AUH: variants seen among roughly 807,000 people sequenced by gnomAD.
AUH encodes the protein AU RNA binding methylglutaconyl-CoA hydratase.
Under a neutral mutation model 42.3 loss-of-function variants are expected in AUH, and 29 were observed. The observed-to-expected ratio is 0.69, with a 90% CI of 0.51 to 0.93. The LOEUF (loss-of-function observed/expected upper bound fraction) is 0.93. Ranked by LOEUF, AUH falls within the 40% of genes least tolerant of loss-of-function variation. The pLI is 0.00. For synonymous variants in AUH, 174 were observed against 166.4 expected (o/e 1.05, Z -0.35); for missense variants, 452 against 438.1 (o/e 1.03, Z -0.28).
chr9:91,230,662 GT>G, intron 6 of AUH, among the ~76,000 whole-genome samples: 1 of 152,280 alleles, frequency 6.6e-6, no homozygotes. Flanking sequence ...TTTCTGTTCA[GT>G]TTTTTCCCCA....
At chr9:91,348,701 C>T (rs1474550644) in intron 3 of AUH, among the ~76,000 whole-genome samples, 1 of 152,082 alleles carries the variant, frequency 6.6e-6, no homozygotes, top group African/African-American at 2.4e-5. Context: ...ACAGAAGATG[C>T]TAAACTAGGA....
chr9:91,325,497 C>G, intron 3 of AUH, 93 bp from the exon 4 acceptor site: 1 of 987,608 alleles, frequency 1.0e-6, no homozygotes, highest in Non-Finnish European at 1.6e-6. Context: ...TATACAACTT[C>G]AAGATCAGCC....
chr9:91,321,125 G>GATAT (rs1480311771), intron 4 of AUH, among the ~76,000 whole-genome samples: 1 of 152,100 alleles, frequency 6.6e-6, no homozygotes, highest in Non-Finnish European at 1.5e-5. Flanking sequence ...TATCAATACT[G>GATAT]ATATATCTTT....
At chr9:91,269,883 T>C (rs1217365992) in intron 6 of AUH, among the ~76,000 whole-genome samples, 1 of 152,194 alleles carries the variant, frequency 6.6e-6, no homozygotes, top group African/African-American at 2.4e-5. Flanking sequence ...TATGACATGA[T>C]ACCCAGATCT....
At chr9:91,330,985 T>C (rs192978597) in intron 3 of AUH, among the ~76,000 whole-genome samples, 2 of 152,340 alleles carry the variant, frequency 1.3e-5, no homozygotes, top group Non-Finnish European at 2.9e-5. Context: ...TATGTGCTTT[T>C]AATTTGTGCA....
At chr9:91,266,391 A>G (rs1284213773) in intron 6 of AUH, among the ~76,000 whole-genome samples, 1 of 151,628 alleles carries the variant, frequency 6.6e-6, no homozygotes, top group Non-Finnish European at 1.5e-5. Flanking sequence ...ATAAATAAAT[A>G]AAAATAAAAA....
intron 6 of AUH, among the ~76,000 whole-genome samples, chr9:91,287,583 C>A (rs924746513): frequency 1.3e-5 from 2 of 152,052 alleles, no homozygotes; most frequent in African/African-American, 2.4e-5. Flanking sequence ...TTTATACTAT[C>A]TTTGTAACTA....
intron 6 of AUH, among the ~76,000 whole-genome samples, chr9:91,276,175 T>A (rs1035437502): frequency 2.0e-5 from 3 of 152,110 alleles, no homozygotes; most frequent in African/African-American, 7.2e-5. Context: ...ATGCCTATAA[T>A]CTCAGCATTT....
At chr9:91,240,247 G>C (rs1449504922) in intron 6 of AUH, among the ~76,000 whole-genome samples, 1 of 152,170 alleles carries the variant, frequency 6.6e-6, no homozygotes, top group Non-Finnish European at 1.5e-5. Flanking sequence ...GTGTGCATCT[G>C]TCCATTCTTG....
At chr9:91,271,126 T>C (rs1825089282) in intron 6 of AUH, among the ~76,000 whole-genome samples, 1 of 152,220 alleles carries the variant, frequency 6.6e-6, no homozygotes, top group South Asian at 2.1e-4. Context: ...TTTGGAAATA[T>C]CCCTCATATA....
At position 91,214,293 on chromosome 9, in the gene AUH, G is replaced by A. The variant is rs1250066581; in HGVS notation, c.*55C>T. ...GCTGAGGCATATAGTGGATCCGAAA[G>A]ACACTTCCAGGAAGTACATTTATTA... On this transcript the variant is annotated 3_prime_UTR_variant, in exon 10 of 10. Coordinates refer to ENST00000375731, the MANE Select transcript of AUH (RefSeq NM_001698.3). The A allele has an allele frequency of 6.8e-7, 1 of 1,463,802 alleles. No individual in the cohort carries two copies. The highest frequency in any genetic ancestry group is 9.5e-7 in the Non-Finnish European group (1 of 1,058,190). The allele number at this position is 1,463,802 out of a possible 1,614,324, so 90.7% of individuals were successfully genotyped here. A position where few individuals can be genotyped will look rare whatever the true frequency, so the allele number is the denominator to read the frequency against.
intron 6 of AUH, among the ~76,000 whole-genome samples, chr9:91,293,232 A>T (rs984186092): frequency 3.3e-5 from 5 of 152,226 alleles, no homozygotes; most frequent in Admixed American, 6.5e-5. Flanking sequence ...TAGAGCAAAG[A>T]TCCACACGTC....
intron 6 of AUH, among the ~76,000 whole-genome samples, chr9:91,238,171 T>G (rs1002866971): frequency 7.2e-5 from 11 of 152,346 alleles, no homozygotes; most frequent in African/African-American, 2.6e-4. Flanking sequence ...GTTGCATAAA[T>G]ATCACAAATG....
chr9:91,258,303 T>G (rs749322530), intron 6 of AUH, among the ~76,000 whole-genome samples: 1 of 151,950 alleles, frequency 6.6e-6, no homozygotes, highest in Non-Finnish European at 1.5e-5. Flanking sequence ...TCGTGTGATC[T>G]CGGCTCACTG....
At chr9:91,355,789 G>C in intron 3 of AUH, 94 bp downstream of exon 3, 1 of 1,116,192 alleles carries the variant, frequency 9.0e-7, no homozygotes, top group Non-Finnish European at 1.3e-6. Flanking sequence ...TTGGTAATGG[G>C]GTTCAAACCA....
At chr9:91,296,337 T>C (rs960418266) in intron 5 of AUH, among the ~76,000 whole-genome samples, 1 of 152,168 alleles carries the variant, frequency 6.6e-6, no homozygotes, top group African/African-American at 2.4e-5. Flanking sequence ...ACCAGGACTG[T>C]AACTCCATTA....
At chr9:91,278,667 G>T (rs1192735993) in intron 6 of AUH, among the ~76,000 whole-genome samples, 1 of 152,160 alleles carries the variant, frequency 6.6e-6, no homozygotes, top group African/African-American at 2.4e-5. Flanking sequence ...TGCAACTGAA[G>T]AATAGTGCAT....
At chr9:91,218,346 A>G (rs1361510456) in intron 7 of AUH, among the ~76,000 whole-genome samples, 1 of 152,264 alleles carries the variant, frequency 6.6e-6, no homozygotes, top group African/African-American at 2.4e-5. Context: ...TATATATCAT[A>G]GACACCACCA....
chr9:91,282,390 G>C (rs1051940451), intron 6 of AUH, among the ~76,000 whole-genome samples: 2 of 151,616 alleles, frequency 1.3e-5, no homozygotes, highest in African/African-American at 4.9e-5. Context: ...TTTATCATGT[G>C]CTAGGTCTAC....
Sources: gnomAD v4.1 joint callset for allele counts (sites outside exome capture counted in the v4.1 genomes callset) on GRCh38, gnomAD v4.1.1 for gene constraint, MANE v1.5 for transcripts, NCBI Gene and HGNC (gene_info 2026-07-23, HGNC 2026-07-21) for gene names.